Variants in FYB1 observed in about 807,000 individuals in gnomAD.
FYB1 encodes the protein FYN-binding protein 1.
FYB1 carries 41 observed loss-of-function variants against 94.1 expected under a neutral mutation model. That is an observed-to-expected ratio of 0.44 (90% CI 0.34 to 0.57). The LOEUF (loss-of-function observed/expected upper bound fraction) is 0.57, where lower values mean the gene tolerates loss of function less well. FYB1 is among the 20% of genes least tolerant of loss of function. The pLI is 0.02. For synonymous variants in FYB1, 367 were observed against 353.2 expected (o/e 1.04, Z -0.44); for missense variants, 1,050 against 976.8 (o/e 1.07, Z -1.00).
intron 1 of FYB1, among the ~76,000 whole-genome samples, chr5:39,226,575 C>G (rs1750481756): frequency 6.6e-6 from 1 of 152,148 alleles, no homozygotes; most frequent in African/African-American, 2.4e-5. Flanking sequence ...ATTTCACCTC[C>G]TCCATCAAAG....
rs553324329 is a variant in FYB1 at position 39,182,486 on chromosome 5, A to G, written c.1135+19340T>C. On this transcript the variant is annotated intron_variant, in intron 2 of 18. Coordinates refer to ENST00000512982, the MANE Select transcript of FYB1 (RefSeq NM_001465.6). ...GAGGTCTACCTTTGGTTAATATAAA[A>G]TTTTAATTACATAAAGGCTTTCAAA... Among the ~76,000 whole-genome samples the G allele has an allele frequency of 1.1e-4, 16 of 152,330 alleles. No individual in the cohort carries two copies. The South Asian group carries it at 3.1e-3, about 30-fold the overall frequency.
upstream of FYB1, among the ~76,000 whole-genome samples, chr5:39,223,831 A>G (rs1750366057): frequency 6.6e-6 from 1 of 151,954 alleles, no homozygotes; most frequent in South Asian, 2.1e-4. Context: ...TCAACTCACT[A>G]CTCCCAGTAT....
chr5:39,230,330 G>A (rs1281690681), intron 1 of FYB1, among the ~76,000 whole-genome samples: 1 of 152,156 alleles, frequency 6.6e-6, no homozygotes, highest in African/African-American at 2.4e-5. Context: ...CTGAAATAAG[G>A]CCATGAGCCG....
chr5:39,126,695 C>CAA (rs1272438775), intron 11 of FYB1, among the ~76,000 whole-genome samples: 4,360 of 28,236 alleles, frequency 0.15, 943 homozygotes, highest in East Asian at 0.57. Context: ...GACCTGGTCT[C>CAA]AAAAAAAAAA....
intron 2 of FYB1, among the ~76,000 whole-genome samples, chr5:39,159,129 G>A (rs1014367530): frequency 6.6e-6 from 1 of 152,160 alleles, no homozygotes; most frequent in African/African-American, 2.4e-5. Context: ...ACAAGGCTGA[G>A]GGGTGCCACA....
chr5:39,248,271 A>C (rs1354597570), intron 1 of FYB1, among the ~76,000 whole-genome samples: 1 of 152,208 alleles, frequency 6.6e-6, no homozygotes, highest in African/African-American at 2.4e-5. Flanking sequence ...AATGCAGACA[A>C]GGATGCTTTT....
intron 2 of FYB1, among the ~76,000 whole-genome samples, chr5:39,155,237 G>T (rs1743641461): frequency 6.6e-6 from 1 of 152,104 alleles, no homozygotes; most frequent in Non-Finnish European, 1.5e-5. Flanking sequence ...TTCACTTAGG[G>T]TAATTGCTGA....
chr5:39,119,431 T>G, intron 15 of FYB1, 104 bp downstream of exon 15: 3 of 836,002 alleles, frequency 3.6e-6, no homozygotes, highest in Non-Finnish European at 5.2e-6. Flanking sequence ...ATTTTGTTAC[T>G]TAAAAATCAT....
rs371163111 is a variant in FYB1 at position 39,139,211 on chromosome 5, T to G, written c.1359+22A>C. On this transcript the variant is annotated intron_variant, in intron 5 of 18. Coordinates refer to ENST00000512982, the MANE Select transcript of FYB1 (RefSeq NM_001465.6). ...ATATTCTGATTATGTCAATATAATATGAGAAGAGAAAAAAATCTGACCTCA... is the reference window on the plus strand; with the variant it reads ...ATATTCTGATTATGTCAATATAATAGGAGAAGAGAAAAAAATCTGACCTCA... 3.4e-3 allele frequency: 5,015 copies of G among 1,458,450 alleles called. 20 individuals carry two copies. The highest frequency in any genetic ancestry group is 4.3e-3 in the Non-Finnish European group (4,669 of 1,079,424). The allele number at this position is 1,458,450 out of a possible 1,614,324, so 90.3% of individuals were successfully genotyped here.
intron 2 of FYB1, among the ~76,000 whole-genome samples, chr5:39,188,206 G>T (rs1051087863): frequency 6.6e-6 from 1 of 152,174 alleles, no homozygotes; most frequent in East Asian, 1.9e-4. Flanking sequence ...CAAAGAACTT[G>T]TTCAGCTACT....
chr5:39,202,937 G>T lies in FYB1; in HGVS notation c.24C>A (p.Gly8=). The change falls in exon 2 of 19, where the codon GGC becomes GGA. Residue 8 remains glycine (G), a synonymous_variant. Coordinates refer to ENST00000512982, the MANE Select transcript of FYB1 (RefSeq NM_001465.6). MAKYNTG[G]NPTEDVSVNS... is the part of the protein sequence containing the mutation. ...TGACTGAGACATCCTCTGTCGGGTT[G>T]CCCCCCGTGTTATATTTCGCCATGA... 1 of 1,613,870 alleles carries T rather than the reference G, an allele frequency of 6.2e-7. No homozygotes were observed. The highest frequency in any genetic ancestry group is 1.3e-5 in the African/African-American group (1 of 75,010).
intron 1 of FYB1, among the ~76,000 whole-genome samples, chr5:39,224,763 C>T (rs1750401963): frequency 6.6e-6 from 1 of 152,160 alleles, no homozygotes; most frequent in African/African-American, 2.4e-5. Flanking sequence ...GCAGGACTGG[C>T]TCCTATTTAA....
intron 16 of FYB1, among the ~76,000 whole-genome samples, chr5:39,114,559 T>C (rs1239901721): frequency 1.3e-5 from 2 of 152,196 alleles, no homozygotes; most frequent in African/African-American, 4.8e-5. Flanking sequence ...TTCACCATGG[T>C]GCTGGGTTAC....
intron 1 of FYB1, among the ~76,000 whole-genome samples, chr5:39,247,071 CATATAT>C (rs3085950): frequency 0.13 from 8,222 of 65,602 alleles, 497 homozygotes; most frequent in East Asian, 0.2. Flanking sequence ...AATGCGTGTT[CATATAT>C]ATATATATAT....
intron 2 of FYB1, among the ~76,000 whole-genome samples, chr5:39,155,198 C>T (rs1743638479): frequency 1.3e-5 from 2 of 152,212 alleles, no homozygotes; most frequent in Admixed American, 6.5e-5. Context: ...CTAATTTCTT[C>T]TAGATATTTC....
At chr5:39,127,474 T>C (rs1280790669) in intron 11 of FYB1, among the ~76,000 whole-genome samples, 1 of 115,608 alleles carries the variant, frequency 8.6e-6, no homozygotes, top group Non-Finnish European at 1.7e-5. Flanking sequence ...AAAAAAAAAA[T>C]ACACAACACC....
intron 1 of FYB1, among the ~76,000 whole-genome samples, chr5:39,238,324 C>A (rs1284504639): frequency 1.3e-5 from 2 of 151,616 alleles, no homozygotes; most frequent in African/African-American, 4.9e-5. Flanking sequence ...CTTAAGGAAG[C>A]CTGAGTGGGA....
At chr5:39,191,011 G>A (rs1747308964) in intron 2 of FYB1, among the ~76,000 whole-genome samples, 1 of 152,116 alleles carries the variant, frequency 6.6e-6, no homozygotes, top group African/African-American at 2.4e-5. Flanking sequence ...CAAACACTAA[G>A]GGAGATTCTT....
chr5:39,235,050 GAATAATAATAATAAT>G (rs36227810), intron 1 of FYB1, among the ~76,000 whole-genome samples: 31 of 148,570 alleles, frequency 2.1e-4, no homozygotes, highest in East Asian at 1.4e-3. Flanking sequence ...AGAACTTAAA[GAATAATAATAATAAT>G]AATAATAATA....
Sources: allele counts gnomAD v4.1 joint callset (sites outside exome capture counted in the v4.1 genomes callset), GRCh38; gene constraint gnomAD v4.1.1; transcripts MANE v1.5; gene names NCBI Gene and HGNC (gene_info 2026-07-23, HGNC 2026-07-21).